SMARCA2: variants seen among roughly 807,000 people sequenced by gnomAD.
SMARCA2 encodes SWI/SNF related BAF chromatin remodeling complex subunit ATPase 2, also known as SWI/SNF-related matrix-associated actin-dependent regulator of chromatin subfamily A member 2.
A neutral mutation model predicts 199.8 loss-of-function variants in SMARCA2; 61 were observed. That is an observed-to-expected ratio of 0.31 (90% confidence interval 0.25 to 0.38). The LOEUF is 0.38. Among genes scored for constraint, SMARCA2 ranks in the 10% least tolerant of loss-of-function variants. The pLI is 1.00. For missense variants in SMARCA2, 1,344 were observed against 2,012.2 expected (o/e 0.67, Z 6.35); for synonymous variants, 935 against 732.0 (o/e 1.28, Z -4.48).
chr9:2,192,567 C>T lies in SMARCA2; in HGVS notation c.4738-137C>T, dbSNP rs960912090. ...CGATGCCTCTTTAATGTGTTTCTGT[C>T]CTCCCACGGAAAGAGATTTGGCGAG... On this transcript the variant is annotated intron_variant, in intron 33 of 33. Coordinates refer to ENST00000349721, the MANE Select transcript of SMARCA2 (RefSeq NM_003070.5). 1.6e-5 allele frequency: 12 copies of T among 729,156 alleles called. No individual in the cohort carries two copies. The African/African-American group carries it at 1.9e-4, about 12-fold the overall frequency. 45.2% of individuals were successfully genotyped at this position (729,156 alleles called of 1,614,324 possible).
At chr9:2,138,148 C>T (rs187178761) in intron 27 of SMARCA2, among the ~76,000 whole-genome samples, 24 of 151,302 alleles carry the variant, frequency 1.6e-4, no homozygotes, top group Non-Finnish European at 1.5e-5. Flanking sequence ...CTAGCTTGAG[C>T]CTTCTAATTT....
At chr9:2,137,058 G>A (rs1586742507) in intron 27 of SMARCA2, among the ~76,000 whole-genome samples, 1 of 152,078 alleles carries the variant, frequency 6.6e-6, no homozygotes, top group African/African-American at 2.4e-5. Context: ...TCTTAACACC[G>A]CCAGTGCTCG....
At chr9:2,085,538 T>C (rs568105854) in intron 17 of SMARCA2, among the ~76,000 whole-genome samples, 21 of 152,338 alleles carry the variant, frequency 1.4e-4, no homozygotes, top group Admixed American at 5.9e-4. Flanking sequence ...ATTTTTTGTC[T>C]GCTTGCCTCT....
chr9:2,186,184 A>G lies in SMARCA2; in HGVS notation c.4550A>G (p.Asn1517Ser). ...GAGGAAGAGAGTGAGGATGAAAGCA[A>G]TGAAGAGGAGGAAGAGGAAGATGAA... ...AKEEESEDESNEEEEEEDEEE... is the reference protein window; with the variant it reads ...AKEEESEDESSEEEEEEDEEE... The change falls in exon 32 of 34, where the codon AAT becomes AGT. Residue 1517 changes from asparagine (N) to serine (S), a missense_variant. Asn to Ser is a conservative substitution (Grantham distance 46, BLOSUM62 1). Transcript: ENST00000349721. The G allele has an allele frequency of 6.2e-7, 1 of 1,614,112 alleles. No individual in the cohort carries two copies. Among genetic ancestry groups the G allele is most frequent in the African/African-American group, 1.3e-5 (1 of 75,054 alleles).
At chr9:2,060,501 C>T (rs1007520185) in intron 8 of SMARCA2, among the ~76,000 whole-genome samples, 1 of 152,184 alleles carries the variant, frequency 6.6e-6, no homozygotes, top group Non-Finnish European at 1.5e-5. Context: ...TTGTCAAATT[C>T]TAAAATCTTT....
chr9:2,176,627 C>T (rs938655930), intron 29 of SMARCA2, among the ~76,000 whole-genome samples: 2 of 152,158 alleles, frequency 1.3e-5, no homozygotes, highest in African/African-American at 4.8e-5. Flanking sequence ...TCTCAGCTCG[C>T]TGCGACCTCT....
Position 2,047,296 on chromosome 9 carries a change from G to A in SMARCA2, c.858G>A (p.Arg286=), listed in dbSNP as rs1323768563. 4 of 989,858 alleles carry A rather than the reference G, an allele frequency of 4.0e-6. No individual in the cohort carries two copies. The highest frequency in any genetic ancestry group is 1.1e-4 in the East Asian group (1 of 9,196). 61.3% of individuals were successfully genotyped at this position (989,858 alleles called of 1,614,324 possible). The change falls in exon 5 of 34, where the codon CGG becomes CGA. Residue 286 remains arginine (R), a synonymous_variant. Coordinates refer to ENST00000349721, the MANE Select transcript of SMARCA2 (RefSeq NM_003070.5). ...TGCCGGTGCCCGCGCCCGGCGGCCG[G>A]CCCTCGCCCGCGCCCCCCGCAGCCG... ...QKLPVPAPGG[R]PSPAPPAAAQ...
At chr9:2,164,942 T>TAACTA (rs1825865241) in intron 28 of SMARCA2, among the ~76,000 whole-genome samples, 1 of 152,206 alleles carries the variant, frequency 6.6e-6, no homozygotes, top group Non-Finnish European at 1.5e-5. Flanking sequence ...GAAAAAGCAC[T>TAACTA]AACTATTTAT....
chr9:2,141,827 C>T (rs1824473600), intron 27 of SMARCA2, among the ~76,000 whole-genome samples: 1 of 152,164 alleles, frequency 6.6e-6, no homozygotes, highest in African/African-American at 2.4e-5. Context: ...TGGTTTACAG[C>T]CCCTTTGCCC....
In SMARCA2 at chr9:2,137,721, T is replaced by C. The variant is rs181241707; in HGVS notation, c.3981+13784T>C. Among the ~76,000 whole-genome samples, 165 of 152,348 alleles carry C rather than the reference T, an allele frequency of 1.1e-3. 1 individual carries two copies. The highest frequency in any genetic ancestry group is 6.8e-3 in the Middle Eastern group (2 of 294). ...CAGGGCCTTTGCCTGTCTTCTTGAC[T>C]GCTATGTCCTGGTACCTGCAGCAGG... On this transcript the variant is annotated intron_variant, in intron 27 of 33. Transcript: ENST00000349721.
In SMARCA2 at chr9:2,056,899, A is replaced by G. The variant is rs1482771810; in HGVS notation, c.1347+54A>G. On this transcript the variant is annotated intron_variant, in intron 7 of 33. Coordinates refer to ENST00000349721, the MANE Select transcript of SMARCA2 (RefSeq NM_003070.5). The surrounding 1 kb of genome is among the most constrained non-coding windows in gnomAD (Gnocchi z 4.0). Reference sequence around the variant, plus strand: ...TCACTTTGGCAGAGCTGTCCAATGAATTCATCAAATGGGGTCAGAATGACT... The same window carrying G: ...TCACTTTGGCAGAGCTGTCCAATGAGTTCATCAAATGGGGTCAGAATGACT... 1 of 1,526,948 alleles carries G rather than the reference A, an allele frequency of 6.5e-7. No homozygotes were observed. Among genetic ancestry groups the G allele is most frequent in the Admixed American group, 1.8e-5 (1 of 54,098 alleles). 94.6% of individuals were successfully genotyped at this position (1,526,948 alleles called of 1,614,324 possible). A position where few individuals can be genotyped will look rare whatever the true frequency, so the allele number is the denominator to read the frequency against.
intron 14 of SMARCA2, among the ~76,000 whole-genome samples, chr9:2,081,071 C>CAT (rs1821546504): frequency 1.3e-5 from 2 of 152,164 alleles, no homozygotes; most frequent in Admixed American, 6.5e-5. Flanking sequence ...CTTTAGCAAA[C>CAT]ATATATATAA....
At chr9:2,109,073 C>T (rs554665660) in intron 23 of SMARCA2, among the ~76,000 whole-genome samples, 41 of 152,272 alleles carry the variant, frequency 2.7e-4, no homozygotes, top group African/African-American at 9.4e-4. Flanking sequence ...AACAGATCGT[C>T]CCCATGTTTG....
At chr9:2,113,808 G>C (rs1823108514) in intron 24 of SMARCA2, among the ~76,000 whole-genome samples, 2 of 152,112 alleles carry the variant, frequency 1.3e-5, no homozygotes, top group Admixed American at 1.3e-4. Flanking sequence ...GTATTTTTGT[G>C]GTTTTGTCAG....
In SMARCA2 at chr9:2,161,262, T is replaced by C. The variant is rs940870317; in HGVS notation, c.3982-424T>C. On this transcript the variant is annotated intron_variant, in intron 27 of 33. Transcript: ENST00000349721. This position sits in a 1 kb window ranked among gnomAD's most constrained non-coding sequence, Gnocchi z 4.7. ...AAGCTTATATGATCGTGTGGATGTATTCTTAGGGATTGTTTTTTCATAACC... is the reference window on the plus strand; with the variant it reads ...AAGCTTATATGATCGTGTGGATGTACTCTTAGGGATTGTTTTTTCATAACC... 1.3e-5 allele frequency among the ~76,000 whole-genome samples: 2 copies of C among 152,206 alleles called. No homozygotes were observed. Among genetic ancestry groups the C allele is most frequent in the African/African-American group, 4.8e-5 (2 of 41,458 alleles).
intron 31 of SMARCA2, among the ~76,000 whole-genome samples, 185 bp downstream of exon 31, chr9:2,182,427 G>C (rs1827101453): frequency 1.4e-5 from 2 of 146,984 alleles, no homozygotes; most frequent in East Asian, 4.0e-4. Context: ...GATTACCTTT[G>C]TACCACAGCT....
At chr9:2,162,488 A>C (rs1009818469) in intron 28 of SMARCA2, among the ~76,000 whole-genome samples, 1 of 152,140 alleles carries the variant, frequency 6.6e-6, no homozygotes, top group African/African-American at 2.4e-5. Flanking sequence ...GCTGTGTGGG[A>C]CACTCCTCCC....
chr9:2,172,556 A>G (rs538898196), intron 29 of SMARCA2, among the ~76,000 whole-genome samples: 2 of 152,274 alleles, frequency 1.3e-5, no homozygotes, highest in East Asian at 3.9e-4. Context: ...TTGGAGACGA[A>G]GGAAGACTGG....
chr9:2,040,225 G>A lies in SMARCA2; in HGVS notation c.790+325G>A, dbSNP rs923346888. 9.4e-6 allele frequency: 5 copies of A among 531,506 alleles called. No individual in the cohort carries two copies. The African/African-American group carries it at 9.5e-5, about 10-fold the overall frequency. 32.9% of individuals were successfully genotyped at this position (531,506 alleles called of 1,614,324 possible). Reference sequence around the variant, plus strand: ...CACACACACAAGGTTAAGAACCTCTGGACTTAGTGCATTTCATCCCCAGAA... The same window carrying A: ...CACACACACAAGGTTAAGAACCTCTAGACTTAGTGCATTTCATCCCCAGAA... On this transcript the variant is annotated intron_variant, in intron 4 of 33. Transcript: ENST00000349721.
Sources: allele counts gnomAD v4.1 joint callset (sites outside exome capture counted in the v4.1 genomes callset), GRCh38; gene constraint gnomAD v4.1.1; non-coding constraint Gnocchi (gnomAD v3.1); transcripts MANE v1.5; gene names NCBI Gene and HGNC (gene_info 2026-07-23, HGNC 2026-07-21).